ANK2: variants seen among roughly 807,000 people sequenced by gnomAD.
The protein encoded by ANK2 is ankyrin 2.
Under a neutral mutation model 360.5 loss-of-function variants are expected in ANK2, and 83 were observed. That is an observed-to-expected ratio of 0.23 (90% CI 0.19 to 0.28). The LOEUF is 0.28. ANK2 is among the 10% of genes least tolerant of loss of function. The probability of loss-of-function intolerance (pLI) is 1.00; values close to 1 mark genes in which losing one functional copy is unlikely to be tolerated. For missense variants in ANK2, 4,201 were observed against 4,795.7 expected (o/e 0.88, Z 3.66); for synonymous variants, 1,740 against 1,759.5 (o/e 0.99, Z 0.28).
intron 1 of ANK2, among the ~76,000 whole-genome samples, chr4:113,111,710 A>T (rs1208171974): frequency 2.0e-5 from 3 of 152,158 alleles, no homozygotes; most frequent in Non-Finnish European, 4.4e-5. Flanking sequence ...TGGAAAAAAA[A>T]CCTTGTGAGC....
At chr4:112,717,026 TTGTTTTACCTGAGC>T in the ANK2 span, among the ~76,000 whole-genome samples, 1 of 152,252 alleles carries the variant, frequency 6.6e-6, no homozygotes, top group Non-Finnish European at 1.5e-5. Context: ...AAACATTCTT[TTGTTTTACCTGAGC>T]AGGTCTAAAA....
chr4:112,764,448 G>A, the ANK2 span, among the ~76,000 whole-genome samples: 1 of 151,704 alleles, frequency 6.6e-6, no homozygotes, highest in South Asian at 2.1e-4. Context: ...TGATTCTCCT[G>A]CCTCAGCCTC....
chr4:113,222,778 A>T (rs1381256044), intron 4 of ANK2, among the ~76,000 whole-genome samples: 1 of 152,240 alleles, frequency 6.6e-6, no homozygotes, highest in Non-Finnish European at 1.5e-5. Flanking sequence ...TTTTAATGTC[A>T]TTGGATAGTT....
chr4:112,760,848 C>G, the ANK2 span, among the ~76,000 whole-genome samples: 9 of 150,060 alleles, frequency 6.0e-5, no homozygotes, highest in Non-Finnish European at 1.2e-4. Context: ...GCTCTGTCAC[C>G]CAGGCTGGAG....
chr4:112,892,946 C>A (rs2080533448), intron 1 of ANK2, among the ~76,000 whole-genome samples: 1 of 151,958 alleles, frequency 6.6e-6, no homozygotes, highest in Admixed American at 6.5e-5. Flanking sequence ...CATTCATTTG[C>A]ACATTCTAAA....
At chr4:112,937,799 T>A (rs1459390384) in intron 2 of ANK2, among the ~76,000 whole-genome samples, 1 of 152,226 alleles carries the variant, frequency 6.6e-6, no homozygotes, top group Non-Finnish European at 1.5e-5. Context: ...GACCCTCAAA[T>A]AGCTCATGTA....
At chr4:113,207,248 A>G (rs1022330735) in intron 4 of ANK2, among the ~76,000 whole-genome samples, 27 of 152,242 alleles carry the variant, frequency 1.8e-4, no homozygotes, top group Middle Eastern at 3.2e-3. Context: ...GACAGATGGT[A>G]TGGAAAGGCT....
intron 1 of ANK2, among the ~76,000 whole-genome samples, chr4:113,107,365 T>C (rs13111383): frequency 0.22 from 32,734 of 152,054 alleles, 3,709 homozygotes; most frequent in African/African-American, 0.27. Flanking sequence ...TACAGGCACA[T>C]GCCACCATGC....
intron 1 of ANK2, among the ~76,000 whole-genome samples, chr4:113,078,191 C>T (rs1449611188): frequency 2.6e-5 from 4 of 152,202 alleles, no homozygotes; most frequent in African/African-American, 7.2e-5. Context: ...AAAATAGCAG[C>T]AGTCCTCCTG....
At chr4:113,124,861 G>T (rs1332932875) in intron 1 of ANK2, among the ~76,000 whole-genome samples, 3 of 152,180 alleles carry the variant, frequency 2.0e-5, no homozygotes, top group Middle Eastern at 6.8e-3. Flanking sequence ...TGGGTGTGGT[G>T]GCTCATGTCT....
intron 2 of ANK2, among the ~76,000 whole-genome samples, chr4:112,906,407 G>A (rs1190187072): frequency 1.3e-5 from 2 of 152,168 alleles, no homozygotes; most frequent in Non-Finnish European, 2.9e-5. Context: ...ATTTTGTCAG[G>A]AAATAAAAGT....
At chr4:112,900,389 C>T (rs1239417460) in intron 1 of ANK2, among the ~76,000 whole-genome samples, 3 of 152,054 alleles carry the variant, frequency 2.0e-5, no homozygotes, top group East Asian at 1.9e-4. Flanking sequence ...GATCAGGATC[C>T]GAACATGGTC....
At chr4:112,878,484 G>A (rs1199053071) in intron 1 of ANK2, among the ~76,000 whole-genome samples, 2 of 151,700 alleles carry the variant, frequency 1.3e-5, no homozygotes, top group Non-Finnish European at 2.9e-5. Flanking sequence ...GCGCCACCAC[G>A]CCCAGTTAAT....
chr4:113,162,354 A>T (rs980034871), intron 1 of ANK2, among the ~76,000 whole-genome samples: 1 of 152,144 alleles, frequency 6.6e-6, no homozygotes, highest in Non-Finnish European at 1.5e-5. Context: ...ATGGTGTAAC[A>T]CTCAATCTCC....
intron 14 of ANK2, among the ~76,000 whole-genome samples, chr4:113,267,657 G>A (rs905888253): frequency 5.9e-5 from 9 of 152,140 alleles, no homozygotes; most frequent in African/African-American, 2.2e-4. Context: ...CTGTAGACTT[G>A]TAGTATAGTT....
intron 2 of ANK2, among the ~76,000 whole-genome samples, chr4:112,916,473 T>C (rs145773815): frequency 9.9e-4 from 151 of 152,340 alleles, no homozygotes; most frequent in African/African-American, 3.5e-3. Context: ...TCTGTAAAAA[T>C]TTGAATAATC....
At chr4:112,812,090 A>AG in the ANK2 span, among the ~76,000 whole-genome samples, 5 of 151,676 alleles carry the variant, frequency 3.3e-5, no homozygotes, top group Non-Finnish European at 1.5e-5. Context: ...AAAAAAAAAA[A>AG]AAAAAAAGAG....
At chr4:113,010,355 A>T (rs1578954042) in intron 2 of ANK2, among the ~76,000 whole-genome samples, 1 of 152,204 alleles carries the variant, frequency 6.6e-6, no homozygotes, top group Admixed American at 6.6e-5. Context: ...TAGTCCTATC[A>T]AAATGTAATA....
intron 2 of ANK2, among the ~76,000 whole-genome samples, chr4:112,944,855 C>T (rs992064313): frequency 2.6e-5 from 4 of 152,210 alleles, no homozygotes; most frequent in Non-Finnish European, 5.9e-5. Context: ...AGGTAGCTCT[C>T]CCTCTGAGAG....
Sources: allele counts gnomAD v4.1 joint callset (sites outside exome capture counted in the v4.1 genomes callset), GRCh38; gene constraint gnomAD v4.1.1; transcripts MANE v1.5; gene names NCBI Gene and HGNC (gene_info 2026-07-23, HGNC 2026-07-21).